Variants in CACNA2D3 observed in about 807,000 individuals in gnomAD.
CACNA2D3 encodes the protein calcium voltage-gated channel auxiliary subunit alpha2delta 3.
In CACNA2D3, 60 loss-of-function variants were observed where a neutral mutation model predicts 160.6. The observed-to-expected ratio is 0.37, with a 90% confidence interval of 0.30 to 0.46. CACNA2D3 has a LOEUF of 0.46. Among genes scored for constraint, CACNA2D3 ranks in the 20% least tolerant of loss-of-function variants. CACNA2D3 has a pLI of 1.00. For missense variants in CACNA2D3, 1,205 were observed against 1,365.0 expected (o/e 0.88, Z 1.85); for synonymous variants, 558 against 492.9 (o/e 1.13, Z -1.75).
chr3:54,448,034 G>A (rs1418455294), intron 4 of CACNA2D3, among the ~76,000 whole-genome samples: 1 of 152,140 alleles, frequency 6.6e-6, no homozygotes, highest in Non-Finnish European at 1.5e-5. Flanking sequence ...GGAGACATCT[G>A]GCTTCAGGTA....
At chr3:54,612,689 T>G (rs1449592813) in intron 9 of CACNA2D3, among the ~76,000 whole-genome samples, 1 of 152,136 alleles carries the variant, frequency 6.6e-6, no homozygotes, top group Non-Finnish European at 1.5e-5. Context: ...AAAAAGTAGA[T>G]AAGGTCCAGG....
At chr3:54,183,047 C>T (rs915085562) in intron 2 of CACNA2D3, among the ~76,000 whole-genome samples, 2 of 152,030 alleles carry the variant, frequency 1.3e-5, no homozygotes, top group Non-Finnish European at 2.9e-5. Context: ...CAAAGCTTTA[C>T]TGTATTTGTC....
At chr3:55,067,930 C>G (rs2107229526) in intron 35 of CACNA2D3, among the ~76,000 whole-genome samples, 1 of 152,334 alleles carries the variant, frequency 6.6e-6, no homozygotes, top group Admixed American at 6.5e-5. Flanking sequence ...AAGCATATGG[C>G]TAGAAGCAAG....
Position 54,615,707 on chromosome 3 carries a change from T to C in CACNA2D3, c.964-12080T>C, listed in dbSNP as rs759907171. Among the ~76,000 whole-genome samples, 35 of 152,240 alleles carry C rather than the reference T, an allele frequency of 2.3e-4. 1 individual carries two copies. The highest frequency in any genetic ancestry group is 3.9e-4 in the Admixed American group (6 of 15,284). Reference sequence around the variant, plus strand: ...GATGAGTATATTAGTTATCTGCTGTTGTGGAACAAATTACCCCTAAACTTA... The same window carrying C: ...GATGAGTATATTAGTTATCTGCTGTCGTGGAACAAATTACCCCTAAACTTA... On this transcript the variant is annotated intron_variant, in intron 9 of 37. Transcript: ENST00000474759.
chr3:55,067,864 A>C (rs1704700302), intron 35 of CACNA2D3, among the ~76,000 whole-genome samples: 1 of 152,232 alleles, frequency 6.6e-6, no homozygotes, highest in African/African-American at 2.4e-5. Context: ...TACAAAACAA[A>C]AAGCCTTACC....
At chr3:54,281,597 G>A (rs930647118) in intron 2 of CACNA2D3, among the ~76,000 whole-genome samples, 6 of 152,294 alleles carry the variant, frequency 3.9e-5, no homozygotes, top group African/African-American at 1.2e-4. Context: ...CCATGGTCAC[G>A]TGGAACACCT....
intron 3 of CACNA2D3, among the ~76,000 whole-genome samples, chr3:54,377,943 A>G (rs1699037781): frequency 6.6e-6 from 1 of 152,208 alleles, no homozygotes; most frequent in South Asian, 2.1e-4. Context: ...TGTTATGTTG[A>G]CTGTGACTTA....
intron 5 of CACNA2D3, among the ~76,000 whole-genome samples, chr3:54,545,789 A>T (rs143492057): frequency 0.011 from 1,654 of 152,288 alleles, 36 homozygotes; most frequent in African/African-American, 0.037. Context: ...GGTGTTTGTG[A>T]CAATACTGGA....
intron 27 of CACNA2D3, among the ~76,000 whole-genome samples, chr3:54,902,894 G>A (rs959088232): frequency 6.6e-6 from 1 of 151,988 alleles, no homozygotes; most frequent in Non-Finnish European, 1.5e-5. Context: ...AGCATAACCC[G>A]TTTTTATCTA....
At chr3:54,711,243 C>T (rs1025777768) in intron 11 of CACNA2D3, among the ~76,000 whole-genome samples, 6 of 152,168 alleles carry the variant, frequency 3.9e-5, no homozygotes, top group African/African-American at 9.7e-5. Flanking sequence ...TGTGCCTCAG[C>T]GCTCCACATT....
intron 35 of CACNA2D3, among the ~76,000 whole-genome samples, chr3:55,021,625 GTATATA>G (rs61298986): frequency 9.7e-4 from 128 of 131,490 alleles, no homozygotes; most frequent in African/African-American, 3.5e-3. Flanking sequence ...ATGTGTGTGT[GTATATA>G]TATATATATA....
At chr3:54,394,443 A>G (rs1207268052) in intron 4 of CACNA2D3, among the ~76,000 whole-genome samples, 3 of 145,526 alleles carry the variant, frequency 2.1e-5, no homozygotes, top group African/African-American at 5.2e-5. Flanking sequence ...AGCATTAGGT[A>G]TATCTCCCAA....
chr3:54,356,127 T>G (rs1698645445), intron 3 of CACNA2D3, among the ~76,000 whole-genome samples: 1 of 152,088 alleles, frequency 6.6e-6, no homozygotes, highest in African/African-American at 2.4e-5. Flanking sequence ...GCGGGGACAT[T>G]GGGAGCAGCT....
At chr3:54,480,051 A>C (rs1700907897) in intron 4 of CACNA2D3, among the ~76,000 whole-genome samples, 1 of 152,046 alleles carries the variant, frequency 6.6e-6, no homozygotes, top group Non-Finnish European at 1.5e-5. Flanking sequence ...GCACATGCTC[A>C]CACAAGTCGA....
chr3:54,540,280 T>G (rs1438984761), intron 5 of CACNA2D3, among the ~76,000 whole-genome samples: 1 of 152,174 alleles, frequency 6.6e-6, no homozygotes, highest in Non-Finnish European at 1.5e-5. Flanking sequence ...GTTTCTCCCC[T>G]GGCTAACAGA....
chr3:54,980,536 G>GT lies in CACNA2D3; in HGVS notation c.2557-4069dup, dbSNP rs1210540679. ...TCTTACACACCTTGAGTGTAGAACT[G>GT]TTTCCTTGGTGGTCTCAAATACATG... is the stretch of plus-strand genomic sequence containing the variant. On this transcript the variant is annotated intron_variant, in intron 29 of 37. Transcript: ENST00000474759. Among the ~76,000 whole-genome samples the GT allele has an allele frequency of 3.3e-5, 5 of 151,878 alleles. No individual in the cohort carries two copies. In the East Asian group the frequency reaches 9.7e-4, roughly 29 times the overall value.
intron 3 of CACNA2D3, among the ~76,000 whole-genome samples, chr3:54,345,738 C>T (rs1280039719): frequency 2.6e-5 from 4 of 152,138 alleles, no homozygotes; most frequent in African/African-American, 4.8e-5. Flanking sequence ...CTAAGCCTAA[C>T]GTCATCTCCA....
chr3:54,479,199 G>A (rs1246779910), intron 4 of CACNA2D3, among the ~76,000 whole-genome samples: 4 of 152,024 alleles, frequency 2.6e-5, no homozygotes, highest in Admixed American at 6.6e-5. Context: ...GCAGCCATGT[G>A]AAGAAGGACA....
chr3:54,749,174 A>G (rs867904810), intron 11 of CACNA2D3, among the ~76,000 whole-genome samples: 1 of 152,340 alleles, frequency 6.6e-6, no homozygotes, highest in Middle Eastern at 3.4e-3. Context: ...ATGAAGTAAA[A>G]AGTATGAGGC....
Sources: gnomAD v4.1 joint callset for allele counts (sites outside exome capture counted in the v4.1 genomes callset) on GRCh38, gnomAD v4.1.1 for gene constraint, MANE v1.5 for transcripts, NCBI Gene and HGNC (gene_info 2026-07-23, HGNC 2026-07-21) for gene names.